WDR75: variants seen among roughly 807,000 people sequenced by gnomAD.
WDR75 encodes the protein WD repeat domain 75, also known as WD repeat-containing protein 75.
A neutral mutation model predicts 106.1 loss-of-function variants in WDR75; 52 were observed. The ratio of observed to expected loss-of-function variants is 0.49; its 90% CI spans 0.39 to 0.62. The LOEUF is 0.62. WDR75 is among the 20% of genes least tolerant of loss of function. WDR75 has a pLI of 0.00. For synonymous variants in WDR75, 333 were observed against 335.5 expected (o/e 0.99, Z 0.08); for missense variants, 905 against 970.3 (o/e 0.93, Z 0.89).
chr2:189,442,714 T>C (rs1187269487), intron 1 of WDR75, among the ~76,000 whole-genome samples: 1 of 152,154 alleles, frequency 6.6e-6, no homozygotes, highest in Non-Finnish European at 1.5e-5. Flanking sequence ...CCTCCCAAAG[T>C]GCAGCGATTA....
intron 5 of WDR75, among the ~76,000 whole-genome samples, 199 bp from the exon 6 acceptor site, chr2:189,457,112 G>A (rs1363594695): frequency 6.6e-6 from 1 of 151,968 alleles, no homozygotes; most frequent in Non-Finnish European, 1.5e-5. Context: ...GTGGTGGTAG[G>A]TGCCTGTAAT....
chr2:189,463,656 C>T (rs113875420), intron 9 of WDR75, 38 bp from the exon 10 acceptor site: 59,844 of 1,608,370 alleles, frequency 0.037, 1,281 homozygotes, highest in African/African-American at 0.068. Context: ...TTTCTCTAAC[C>T]TATTGATATT....
intron 1 of WDR75, among the ~76,000 whole-genome samples, chr2:189,445,248 AG>A (rs975185934): frequency 6.6e-6 from 1 of 152,236 alleles, no homozygotes; most frequent in Non-Finnish European, 1.5e-5. Context: ...TACATAATAA[AG>A]CTGACATTCG....
Position 189,474,154 on chromosome 2 carries a change from A to G in WDR75, c.2050-32A>G, listed in dbSNP as rs377123681. ...CAAACACAGTTCTTCCTTTTTTCTGAAATAATTTCTCTTTGTCTTAAATCC... is the reference window on the plus strand; with the variant it reads ...CAAACACAGTTCTTCCTTTTTTCTGGAATAATTTCTCTTTGTCTTAAATCC... On this transcript the variant is annotated intron_variant, in intron 18 of 20. Transcript: ENST00000314761. 1.1e-5 allele frequency: 17 copies of G among 1,585,970 alleles called. No individual in the cohort carries two copies. The African/African-American group carries it at 1.2e-4, about 11-fold the overall frequency.
At chr2:189,449,163 T>G in intron 2 of WDR75, 2 of 1,011,008 alleles carry the variant, frequency 2.0e-6, no homozygotes, top group Non-Finnish European at 2.7e-6. Context: ...TTCTTAAGTT[T>G]CGGCAAATCT....
At chr2:189,457,213 C>T in intron 5 of WDR75, 98 bp from the exon 6 acceptor site, 1 of 791,564 alleles carries the variant, frequency 1.3e-6, no homozygotes, top group Non-Finnish European at 2.1e-6. Flanking sequence ...CACATTCCAG[C>T]CTGGGGGACA....
intron 8 of WDR75, among the ~76,000 whole-genome samples, chr2:189,461,052 T>G (rs185008677): frequency 1.6e-3 from 248 of 151,872 alleles, no homozygotes; most frequent in Non-Finnish European, 2.8e-3. Context: ...TATATCAGAT[T>G]AAACTTCTTA....
Position 189,457,303 on chromosome 2 carries a change from A to T in WDR75, c.499-8A>T, listed in dbSNP as rs892649767. 6.4e-7 allele frequency: 1 copy of T among 1,569,600 alleles called. No individual in the cohort carries two copies. Among genetic ancestry groups the T allele is most frequent in the African/African-American group, 1.4e-5 (1 of 72,650 alleles). On this transcript the variant is annotated splice_region_variant and splice_polypyrimidine_tract_variant and intron_variant, in intron 5 of 20. Coordinates refer to ENST00000314761, the MANE Select transcript of WDR75 (RefSeq NM_032168.3). ...TTGTGAATGTTTATCTTCTTTTTGA[A>T]ATACTAGGGAGTATATGTTGCTGCA...
At chr2:189,453,661 G>C (rs1686672121) in intron 4 of WDR75, among the ~76,000 whole-genome samples, 1 of 152,070 alleles carries the variant, frequency 6.6e-6, no homozygotes, top group African/African-American at 2.4e-5. Context: ...CATATAATGG[G>C]CACCCAGCAT....
At position 189,465,143 on chromosome 2, in the gene WDR75, C is replaced by T. The variant is rs1198641544; in HGVS notation, c.1178C>T (p.Ala393Val). 1.2e-6 allele frequency: 2 copies of T among 1,612,710 alleles called. No homozygotes were observed. The highest frequency in any genetic ancestry group is 2.7e-5 in the African/African-American group (2 of 74,826). The change falls in exon 12 of 21, where the codon GCT becomes GTT. Residue 393 changes from alanine to valine, a missense_variant. Ala to Val is a moderately conservative substitution (Grantham distance 64). Coordinates refer to ENST00000314761, the MANE Select transcript of WDR75 (RefSeq NM_032168.3). ...CTGATCCAAATTGAACTAACAAAGG[C>T]TGCATTTGGCTGCTTTGGTAACTGG... ...YGLIQIELTK[A>V]AFGCFGNWLA... is the part of the protein sequence containing the mutation.
At chr2:189,453,805 A>G (rs1686675693) in intron 4 of WDR75, among the ~76,000 whole-genome samples, 2 of 112,768 alleles carry the variant, frequency 1.8e-5, no homozygotes, top group South Asian at 3.3e-4. Context: ...ATATATGTGT[A>G]CCCTTTTTGT....
intron 2 of WDR75, chr2:189,449,961 T>C: frequency 2.0e-6 from 2 of 985,214 alleles, no homozygotes; most frequent in Non-Finnish European, 2.4e-6. Context: ...CAACAAAATC[T>C]AGCAGAAACT....
intron 4 of WDR75, among the ~76,000 whole-genome samples, chr2:189,453,033 G>A (rs1463487545): frequency 6.6e-6 from 1 of 152,148 alleles, no homozygotes; most frequent in Non-Finnish European, 1.5e-5. Context: ...GTTAGATGTG[G>A]TGGCTACAGT....
In WDR75 at chr2:189,462,696, G is replaced by T. The variant is rs567386636; in HGVS notation, c.937+54G>T. On this transcript the variant is annotated intron_variant, in intron 9 of 20. Transcript: ENST00000314761. The stretch of plus-strand genomic sequence containing the variant: ...ATATATAAACACCATAAATTAGCTA[G>T]CATCTGTAGGGAACAGAGAATAAAG... 22 of 1,539,930 alleles carry T rather than the reference G, an allele frequency of 1.4e-5. 1 individual carries two copies. In the East Asian group the frequency reaches 4.7e-4, roughly 33 times the overall value.
Position 189,470,897 on chromosome 2 carries a change from T to C in WDR75, c.2049+19T>C. ...CAAACAGGTATGTTTTAGCCATTCA[T>C]AGCAGGATGTATTGCCTCCCTAAAA... is the stretch of plus-strand genomic sequence containing the variant. On this transcript the variant is annotated intron_variant, in intron 18 of 20. Coordinates refer to ENST00000314761, the MANE Select transcript of WDR75 (RefSeq NM_032168.3). 6.3e-7 allele frequency: 1 copy of C among 1,578,558 alleles called. No individual in the cohort carries two copies. The highest frequency in any genetic ancestry group is 8.6e-7 in the Non-Finnish European group (1 of 1,162,972).
At chr2:189,467,092 C>A (rs942231571) in intron 13 of WDR75, among the ~76,000 whole-genome samples, 1 of 151,852 alleles carries the variant, frequency 6.6e-6, no homozygotes, top group African/African-American at 2.4e-5. Flanking sequence ...CAATCCAAGA[C>A]CCCCCCGCCC....
At chr2:189,465,281 T>C in intron 12 of WDR75, 27 bp downstream of exon 12, 1 of 1,549,448 alleles carries the variant, frequency 6.5e-7, no homozygotes, top group South Asian at 1.2e-5. Context: ...AGCCACTTAA[T>C]TTCAAAGTAT....
Position 189,459,438 on chromosome 2 carries a change from T to A in WDR75, c.778+14T>A. ...TTTCAGTGACAGGTAAGTGCGGGTT[T>A]AATTATTAAAATGAACTTTTGAAGA... On this transcript the variant is annotated intron_variant, in intron 8 of 20. Coordinates refer to ENST00000314761, the MANE Select transcript of WDR75 (RefSeq NM_032168.3). 6.3e-7 allele frequency: 1 copy of A among 1,599,450 alleles called. No homozygotes were observed. Among genetic ancestry groups the A allele is most frequent in the Non-Finnish European group, 8.5e-7 (1 of 1,171,150 alleles).
chr2:189,467,508 T>C lies in WDR75; in HGVS notation c.1488T>C (p.Tyr496=). ...VGWTCDFVGS[Y]HKYQATNCCF... is the part of the protein sequence containing the mutation. ...GGACCTGTGACTTTGTTGGTAGTTA[T>C]CACAAGTATCAAGCAACTAACTGTT... Residue 496 remains tyrosine (Y), a synonymous_variant, in exon 14 of 21, where the codon TAT becomes TAC. Coordinates refer to ENST00000314761, the MANE Select transcript of WDR75 (RefSeq NM_032168.3). The C allele has an allele frequency of 6.2e-7, 1 of 1,605,674 alleles. No individual in the cohort carries two copies. Among genetic ancestry groups the C allele is most frequent in the South Asian group, 1.1e-5 (1 of 88,990 alleles).
Sources: allele counts gnomAD v4.1 joint callset (sites outside exome capture counted in the v4.1 genomes callset), GRCh38; gene constraint gnomAD v4.1.1; transcripts MANE v1.5; gene names NCBI Gene and HGNC (gene_info 2026-07-23, HGNC 2026-07-21).